The following MYCBP2 variants were observed in gnomAD, a reference collection of about 807,000 sequenced individuals.
The protein encoded by MYCBP2 is MYC binding protein 2, also known as E3 ubiquitin-protein ligase MYCBP2.
MYCBP2 carries 120 observed loss-of-function variants against 525.3 expected under a neutral mutation model. The ratio of observed to expected loss-of-function variants is 0.23; its 90% confidence interval spans 0.20 to 0.27. The LOEUF is 0.27. MYCBP2 is among the 10% of genes least tolerant of loss of function. The pLI is 1.00. For synonymous variants in MYCBP2, 1,894 were observed against 1,955.8 expected (o/e 0.97, Z 0.83); for missense variants, 4,149 against 5,657.1 (o/e 0.73, Z 8.55).
intron 72 of MYCBP2, among the ~76,000 whole-genome samples, chr13:77,065,296 C>T (rs1018251494): frequency 3.9e-4 from 60 of 152,294 alleles, no homozygotes; most frequent in African/African-American, 1.2e-3. Context: ...AAAATATCCA[C>T]GCTGTTGGGA....
In MYCBP2 at chr13:77,205,320, G is replaced by A. The variant is rs2063200701; in HGVS notation, c.3779C>T (p.Thr1260Ile). ...SVEAIRFSAD[T>I]DILLGGLGLF... Reference sequence around the variant, plus strand: ...ACCAAGACCACCAAGTAAAATATCAGTGTCGGCACTGAAACGTATAGCTTC... The same window carrying A: ...ACCAAGACCACCAAGTAAAATATCAATGTCGGCACTGAAACGTATAGCTTC... The change falls in exon 26 of 83, where the codon ACT becomes ATT. Residue 1260 changes from threonine (T) to isoleucine (I), a missense_variant. Thr to Ile is a moderately conservative substitution (Grantham distance 89). This residue lies in a region of MYCBP2 where 620 missense variants were observed against 795.5 expected (regional missense o/e 0.78). Coordinates refer to ENST00000544440, the MANE Select transcript of MYCBP2 (RefSeq NM_015057.5). 6.2e-7 allele frequency: 1 copy of A among 1,613,758 alleles called. No homozygotes were observed. The highest frequency in any genetic ancestry group is 8.5e-7 in the Non-Finnish European group (1 of 1,179,788).
chr13:77,058,523 C>A lies in MYCBP2; in HGVS notation c.13141-117G>T. On this transcript the variant is annotated intron_variant, in intron 77 of 82. Transcript: ENST00000544440. The surrounding 1 kb of genome is among the most constrained non-coding windows in gnomAD (Gnocchi z 4.1). ...TTCCCACAGGAAGTATCTATGCAGG[C>A]CAAGTAACAACAAAGTAAAGTTATT... 1.3e-6 allele frequency: 1 copy of A among 742,168 alleles called. No homozygotes were observed. Among genetic ancestry groups the A allele is most frequent in the Non-Finnish European group, 2.0e-6 (1 of 501,828 alleles). 46.0% of individuals were successfully genotyped at this position (742,168 alleles called of 1,614,324 possible). A position where few individuals can be genotyped will look rare whatever the true frequency, so the allele number is the denominator to read the frequency against.
chr13:77,306,819 T>C (rs1402993884), intron 1 of MYCBP2, among the ~76,000 whole-genome samples: 2 of 151,742 alleles, frequency 1.3e-5, no homozygotes, highest in East Asian at 3.9e-4. Flanking sequence ...GCACTCTGAG[T>C]GAGAACAGCA....
intron 34 of MYCBP2, among the ~76,000 whole-genome samples, chr13:77,179,684 T>G (rs1212690375): frequency 6.6e-6 from 1 of 152,220 alleles, no homozygotes; most frequent in East Asian, 1.9e-4. Context: ...TAAAAATTAT[T>G]ATTCCAATTT....
chr13:77,270,615 ACAT>A, intron 5 of MYCBP2, 77 bp from the exon 6 acceptor site: 1 of 1,349,606 alleles, frequency 7.4e-7, no homozygotes, highest in Non-Finnish European at 1.0e-6. Context: ...CTTTGGTAAT[ACAT>A]CATCATTCAT....
rs1276953174 is a variant in MYCBP2 at position 77,326,885 on chromosome 13, T to A, written c.-110A>T. The A allele has an allele frequency of 2.9e-6, 3 of 1,036,652 alleles. No homozygotes were observed. In the African/African-American group the frequency reaches 5.1e-5, roughly 18 times the overall value. The allele number at this position is 1,036,652 out of a possible 1,614,324, so 64.2% of individuals were successfully genotyped here. On this transcript the variant is annotated 5_prime_UTR_variant, in exon 1 of 83. Coordinates refer to ENST00000544440, the MANE Select transcript of MYCBP2 (RefSeq NM_015057.5). This position sits in a 1 kb window ranked among gnomAD's most constrained non-coding sequence, Gnocchi z 4.2. The stretch of plus-strand genomic sequence containing the variant: ...CGACGACGGCTCCGGCGGCGGCCTC[T>A]GGCTCCCGCAGCAGGGAGACTACAA...
In MYCBP2 at chr13:77,087,463, C is replaced by G. The variant is rs780622943; in HGVS notation, c.10875+21G>C. The G allele has an allele frequency of 5.0e-6, 8 of 1,588,428 alleles. No individual in the cohort carries two copies. In the South Asian group the frequency reaches 7.9e-5, roughly 16 times the overall value. ...CAGTTTCTATAAAAATATGCACAATCAAAACAAAAATTTCATTTACTTGTT... is the reference window on the plus strand; with the variant it reads ...CAGTTTCTATAAAAATATGCACAATGAAAACAAAAATTTCATTTACTTGTT... On this transcript the variant is annotated intron_variant, in intron 62 of 82. Coordinates refer to ENST00000544440, the MANE Select transcript of MYCBP2 (RefSeq NM_015057.5).
intron 17 of MYCBP2, among the ~76,000 whole-genome samples, chr13:77,235,016 T>C (rs535698046): frequency 8.3e-4 from 126 of 152,132 alleles, no homozygotes; most frequent in African/African-American, 2.9e-3. Context: ...ATTAAAGCAA[T>C]TGGGCTCGAA....
chr13:77,180,374 A>G, intron 33 of MYCBP2, 56 bp from the exon 34 acceptor site: 1 of 1,451,374 alleles, frequency 6.9e-7, no homozygotes. Flanking sequence ...TCATAGGAGT[A>G]CTCAATTTGA....
intron 26 of MYCBP2, among the ~76,000 whole-genome samples, chr13:77,201,638 T>G (rs1228934965): frequency 8.7e-4 from 131 of 150,926 alleles, no homozygotes; most frequent in Non-Finnish European, 1.8e-4. Context: ...ACCACATACT[T>G]GGAAGTAAAG....
At chr13:77,134,130 G>A (rs1405720841) in intron 52 of MYCBP2, among the ~76,000 whole-genome samples, 1 of 152,118 alleles carries the variant, frequency 6.6e-6, no homozygotes, top group Non-Finnish European at 1.5e-5. Flanking sequence ...CAATTTTTGA[G>A]TCTGGACAAC....
At chr13:77,094,716 C>A (rs2045974070) in intron 58 of MYCBP2, among the ~76,000 whole-genome samples, 1 of 150,176 alleles carries the variant, frequency 6.7e-6, no homozygotes, top group African/African-American at 2.4e-5. Context: ...TTCTATTTAT[C>A]CTTTGAGACT....
At chr13:77,166,052 C>A (rs2154214893) in intron 41 of MYCBP2, among the ~76,000 whole-genome samples, 1 of 152,270 alleles carries the variant, frequency 6.6e-6, no homozygotes, top group South Asian at 2.1e-4. Context: ...CCCAACTACA[C>A]AGACAGCTAG....
rs117908295 is a variant in MYCBP2 at position 77,174,358 on chromosome 13, G to A, written c.5604C>T (p.Asn1868=). The part of the protein sequence containing the change: ...FTFSTCSLSS[N]GTNQTRGQIP... ...TCTGTCCTCTGGTTTGGTTTGTGCCGTTACTGCTCAAGCTGCACGTGCTGA... is the reference window on the plus strand; with the variant it reads ...TCTGTCCTCTGGTTTGGTTTGTGCCATTACTGCTCAAGCTGCACGTGCTGA... The change falls in exon 37 of 83, where the codon AAC becomes AAT. Residue 1868 remains asparagine, a synonymous_variant. Transcript: ENST00000544440. 457 of 1,614,074 alleles carry A rather than the reference G, an allele frequency of 2.8e-4. No homozygotes were observed. Among genetic ancestry groups the A allele is most frequent in the Admixed American group, 1.0e-3 (63 of 60,014 alleles).
chr13:77,225,509 G>A lies in MYCBP2; in HGVS notation c.2783C>T (p.Thr928Ile). The A allele has an allele frequency of 1.2e-6, 2 of 1,613,668 alleles. No homozygotes were observed. Among genetic ancestry groups the A allele is most frequent in the Non-Finnish European group, 1.7e-6 (2 of 1,179,706 alleles). The change falls in exon 19 of 83, where the codon ACA becomes ATA. Residue 928 changes from threonine (T) to isoleucine (I), a missense_variant. Physicochemically the swap from Thr to Ile is moderately conservative, Grantham distance 89. Coordinates refer to ENST00000544440, the MANE Select transcript of MYCBP2 (RefSeq NM_015057.5). ...AAATCGCACAGAGCCTGGAGGGTAT[G>A]TTGTGATTTTGCTTGCATCCTTTTC... is the stretch of plus-strand genomic sequence containing the variant. Reference protein sequence around the residue: ...RGEKDASKITTYPPGSVRFDC... With the variant: ...RGEKDASKITIYPPGSVRFDC...
At chr13:77,280,048 A>T (rs544714810) in intron 3 of MYCBP2, among the ~76,000 whole-genome samples, 2 of 152,218 alleles carry the variant, frequency 1.3e-5, no homozygotes, top group African/African-American at 2.4e-5. Flanking sequence ...CACACATTAA[A>T]TATTTGTTTA....
intron 30 of MYCBP2, 36 bp from the exon 31 acceptor site, chr13:77,186,099 T>G (rs775243060): frequency 2.1e-6 from 3 of 1,427,064 alleles, no homozygotes; most frequent in Non-Finnish European, 2.8e-6. Context: ...CAACAATTAA[T>G]TCAAATGATA....
chr13:77,105,666 T>C (rs1467279658), intron 55 of MYCBP2, among the ~76,000 whole-genome samples: 1 of 152,140 alleles, frequency 6.6e-6, no homozygotes, highest in Non-Finnish European at 1.5e-5. Flanking sequence ...GAAATAATAA[T>C]GCTTTTACAA....
At chr13:77,240,751 G>A (rs899776047) in intron 17 of MYCBP2, among the ~76,000 whole-genome samples, 4 of 152,182 alleles carry the variant, frequency 2.6e-5, no homozygotes. Flanking sequence ...CTGTGAAAGG[G>A]GAGGACATGG....
Sources: gnomAD v4.1 joint callset for allele counts (sites outside exome capture counted in the v4.1 genomes callset) on GRCh38, gnomAD v4.1.1 for gene constraint, gnomAD v4.1.1 regional missense constraint, Gnocchi (gnomAD v3.1) non-coding constraint, MANE v1.5 for transcripts, NCBI Gene and HGNC (gene_info 2026-07-23, HGNC 2026-07-21) for gene names.